SCARA3: variants seen among roughly 807,000 people sequenced by gnomAD.
The protein encoded by SCARA3 is cellular stress response gene protein.
A neutral mutation model predicts 47.0 loss-of-function variants in SCARA3; 39 were observed. The ratio of observed to expected loss-of-function variants is 0.83; its 90% CI spans 0.64 to 1.08. The LOEUF (loss-of-function observed/expected upper bound fraction) is 1.08. Among genes scored for constraint, SCARA3 ranks in the 50% least tolerant of loss-of-function variants. SCARA3 has a pLI of 0.00. For missense variants in SCARA3, 724 were observed against 792.3 expected (o/e 0.91, Z 1.04); for synonymous variants, 356 against 334.1 (o/e 1.07, Z -0.71).
downstream of SCARA3, among the ~76,000 whole-genome samples, chr8:27,673,413 C>T (rs1272620868): frequency 1.3e-5 from 2 of 152,274 alleles, no homozygotes; most frequent in Admixed American, 6.5e-5. Flanking sequence ...CCCCAAGGGG[C>T]CTGGCTTGGC....
chr8:27,730,613 A>G, the SCARA3 span, among the ~76,000 whole-genome samples: 1 of 151,516 alleles, frequency 6.6e-6, no homozygotes, highest in Admixed American at 6.6e-5. Context: ...CCTCCTGCGT[A>G]GGTGGGACTA....
At chr8:27,713,534 A>G in the SCARA3 span, among the ~76,000 whole-genome samples, 1 of 152,286 alleles carries the variant, frequency 6.6e-6, no homozygotes, top group East Asian at 1.9e-4. Context: ...GTATGTACTC[A>G]TGGTTCCCTA....
intron 1 of SCARA3, among the ~76,000 whole-genome samples, chr8:27,640,634 C>G (rs912280061): frequency 3.0e-4 from 46 of 152,070 alleles, no homozygotes; most frequent in Admixed American, 7.2e-4. Context: ...CCCTCCTCAG[C>G]CTCCCGATTA....
At chr8:27,716,274 T>G in the SCARA3 span, among the ~76,000 whole-genome samples, 1 of 152,104 alleles carries the variant, frequency 6.6e-6, no homozygotes, top group Non-Finnish European at 1.5e-5. Flanking sequence ...GATTTCGCCA[T>G]TGTACTCCAG....
At chr8:27,676,477 A>G (rs1029982998), downstream of SCARA3, 6 of 1,462,338 alleles carry the variant, frequency 4.1e-6, no homozygotes, top group Admixed American at 1.8e-5. Flanking sequence ...CCTAAGCCCA[A>G]AGTCTCCAAC....
chr8:27,711,496 T>G, the SCARA3 span, among the ~76,000 whole-genome samples: 2 of 152,192 alleles, frequency 1.3e-5, no homozygotes, highest in South Asian at 4.1e-4. Context: ...TGATAACATC[T>G]TCTTGGCTTA....
chr8:27,700,529 C>T, the SCARA3 span, among the ~76,000 whole-genome samples: 2 of 151,756 alleles, frequency 1.3e-5, no homozygotes, highest in East Asian at 1.9e-4. Context: ...ATCACTTGAA[C>T]CCAGGAGGTG....
chr8:27,709,700 G>A, the SCARA3 span, among the ~76,000 whole-genome samples: 1 of 152,196 alleles, frequency 6.6e-6, no homozygotes, highest in African/African-American at 2.4e-5. Context: ...ATGCTGGCCA[G>A]GGCTGGAGCC....
chr8:27,698,497 T>C, the SCARA3 span, among the ~76,000 whole-genome samples: 1 of 152,146 alleles, frequency 6.6e-6, no homozygotes, highest in Non-Finnish European at 1.5e-5. Flanking sequence ...ACACTTTTAT[T>C]CTATTTGACT....
At chr8:27,641,599 A>G (rs1488533805) in intron 1 of SCARA3, among the ~76,000 whole-genome samples, 1 of 152,216 alleles carries the variant, frequency 6.6e-6, no homozygotes, top group Non-Finnish European at 1.5e-5. Flanking sequence ...TACAGGCTCC[A>G]TGGGGCAGAA....
At chr8:27,708,268 A>G in the SCARA3 span, among the ~76,000 whole-genome samples, 4 of 152,220 alleles carry the variant, frequency 2.6e-5, no homozygotes, top group African/African-American at 9.6e-5. Context: ...GAAAAGAAGT[A>G]TAGAACATTA....
chr8:27,714,018 C>T, the SCARA3 span, among the ~76,000 whole-genome samples: 1 of 152,164 alleles, frequency 6.6e-6, no homozygotes, highest in East Asian at 1.9e-4. Flanking sequence ...CTCTCTCTTG[C>T]TCCCGCTTTT....
At chr8:27,633,708 C>G (rs921188182), upstream of SCARA3, among the ~76,000 whole-genome samples, 1 of 151,708 alleles carries the variant, frequency 6.6e-6, no homozygotes, top group Non-Finnish European at 1.5e-5. Context: ...AGGCGGGGCG[C>G]GGGGCCCCCG....
the SCARA3 span, among the ~76,000 whole-genome samples, chr8:27,731,252 G>C: frequency 6.6e-6 from 1 of 151,180 alleles, no homozygotes; most frequent in Non-Finnish European, 1.5e-5. Context: ...GGAATGCCTA[G>C]CTAATTTTTA....
At chr8:27,665,057 T>A (rs1446751434) in intron 5 of SCARA3, among the ~76,000 whole-genome samples, 1 of 152,158 alleles carries the variant, frequency 6.6e-6, no homozygotes, top group African/African-American at 2.4e-5. Flanking sequence ...GAGCTGGCAA[T>A]GCGGTCTCCA....
intron 1 of SCARA3, among the ~76,000 whole-genome samples, chr8:27,636,004 C>T (rs1646294707): frequency 6.6e-6 from 1 of 152,226 alleles, no homozygotes; most frequent in Non-Finnish European, 1.5e-5. Context: ...CCGTTGGCCT[C>T]CCCAAGTCCT....
the SCARA3 span, among the ~76,000 whole-genome samples, chr8:27,694,790 G>C: frequency 1.3e-5 from 2 of 152,174 alleles, no homozygotes; most frequent in Non-Finnish European, 2.9e-5. Context: ...CAGAAAGACA[G>C]AGATTTGTGC....
chr8:27,638,145 C>A (rs763425886), intron 1 of SCARA3, among the ~76,000 whole-genome samples: 1 of 152,168 alleles, frequency 6.6e-6, no homozygotes, highest in East Asian at 1.9e-4. Flanking sequence ...TCATCGAGAG[C>A]GAGGAAAAAG....
At chr8:27,706,506 G>T in the SCARA3 span, among the ~76,000 whole-genome samples, 25 of 152,134 alleles carry the variant, frequency 1.6e-4, no homozygotes, top group Non-Finnish European at 2.6e-4. Flanking sequence ...AAGGTTTCCA[G>T]TAGGGGAATG....
Sources: gnomAD v4.1 joint callset for allele counts (sites outside exome capture counted in the v4.1 genomes callset) on GRCh38, gnomAD v4.1.1 for gene constraint, MANE v1.5 for transcripts, NCBI Gene and HGNC (gene_info 2026-07-23, HGNC 2026-07-21) for gene names.